GNAL: variants seen among roughly 807,000 people sequenced by gnomAD.
GNAL encodes guanine nucleotide-binding protein G(olf) subunit alpha.
In GNAL, 18 loss-of-function variants were observed where a neutral mutation model predicts 55.1. That is an observed-to-expected ratio of 0.33 (90% CI 0.23 to 0.48). GNAL has a LOEUF of 0.48. Among genes scored for constraint, GNAL ranks in the 20% least tolerant of loss-of-function variants. The pLI is 0.99. For synonymous variants in GNAL, 253 were observed against 237.0 expected (o/e 1.07, Z -0.62); for missense variants, 412 against 614.1 (o/e 0.67, Z 3.48).
At chr18:11,771,617 G>A (rs9675680) in intron 4 of GNAL, among the ~76,000 whole-genome samples, 13,924 of 152,182 alleles carry the variant, frequency 0.091, 693 homozygotes, top group Middle Eastern at 0.14. Flanking sequence ...GGGAAGGTGA[G>A]GGGTGGCCTG....
intron 1 of GNAL, among the ~76,000 whole-genome samples, chr18:11,723,466 C>T (rs2032144646): frequency 6.6e-6 from 1 of 152,212 alleles, no homozygotes; most frequent in African/African-American, 2.4e-5. Flanking sequence ...TATAGACAAC[C>T]CCAAGCATAT....
intron 1 of GNAL, among the ~76,000 whole-genome samples, chr18:11,733,623 T>TA (rs1219149026): frequency 6.6e-6 from 1 of 152,202 alleles, no homozygotes; most frequent in Non-Finnish European, 1.5e-5. Flanking sequence ...AATCATGTCT[T>TA]CTTGAGGGTA....
chr18:11,719,585 C>A (rs958557645), intron 1 of GNAL, among the ~76,000 whole-genome samples: 1 of 152,238 alleles, frequency 6.6e-6, no homozygotes, highest in Non-Finnish European at 1.5e-5. Flanking sequence ...TTCCTCTTAT[C>A]TAAGTCATGC....
intron 4 of GNAL, among the ~76,000 whole-genome samples, chr18:11,766,614 G>A (rs910153178): frequency 5.9e-5 from 9 of 152,152 alleles, no homozygotes; most frequent in South Asian, 2.1e-4. Context: ...AAATGTTACC[G>A]TAGTTAATCT....
chr18:11,828,598 CAA>C (rs2035306790), intron 5 of GNAL, among the ~76,000 whole-genome samples: 1 of 151,500 alleles, frequency 6.6e-6, no homozygotes, highest in Admixed American at 6.6e-5. Flanking sequence ...ATTTATTGGA[CAA>C]AGACTGGCCT....
At chr18:11,762,379 T>TA (rs1165573047) in intron 4 of GNAL, among the ~76,000 whole-genome samples, 10 of 152,340 alleles carry the variant, frequency 6.6e-5, no homozygotes, top group Admixed American at 2.0e-4. Context: ...AATTATTCAG[T>TA]ACACATATTA....
intron 4 of GNAL, among the ~76,000 whole-genome samples, chr18:11,791,771 G>C (rs1258172894): frequency 6.6e-6 from 1 of 152,128 alleles, no homozygotes; most frequent in Non-Finnish European, 1.5e-5. Context: ...GCAAGGACTC[G>C]AAGTAGGACA....
intron 5 of GNAL, among the ~76,000 whole-genome samples, chr18:11,836,609 C>G (rs2035503780): frequency 6.6e-6 from 1 of 152,132 alleles, no homozygotes; most frequent in South Asian, 2.1e-4. Context: ...TCACACTAAC[C>G]CAATGAGTTC....
At position 11,814,978 on chromosome 18, in the gene GNAL, G is replaced by A. The variant is rs367839019; in HGVS notation, c.625-9940G>A. 2.0e-5 allele frequency among the ~76,000 whole-genome samples: 3 copies of A among 152,252 alleles called. No homozygotes were observed. In the East Asian group the frequency reaches 5.8e-4, roughly 29 times the overall value. On this transcript the variant is annotated intron_variant, in intron 4 of 11. Coordinates refer to ENST00000334049, the MANE Select transcript of GNAL (RefSeq NM_182978.4). Reference sequence around the variant, plus strand: ...AGAGGTTGGAGAGGGGAAAGTAGAGGAGAGGGAATTGGAAGAAGCTGATCA... The same window carrying A: ...AGAGGTTGGAGAGGGGAAAGTAGAGAAGAGGGAATTGGAAGAAGCTGATCA...
At chr18:11,756,496 A>G (rs1017337474) in intron 4 of GNAL, among the ~76,000 whole-genome samples, 2 of 151,804 alleles carry the variant, frequency 1.3e-5, no homozygotes, top group African/African-American at 4.8e-5. Context: ...GTCTATGCAC[A>G]TGTCAAATGA....
At chr18:11,851,275 C>T (rs1288160865) in intron 5 of GNAL, 7 of 487,328 alleles carry the variant, frequency 1.4e-5, no homozygotes, top group Non-Finnish European at 2.5e-5. Flanking sequence ...CAGCCAGAAT[C>T]CCCCTGCATG....
intron 1 of GNAL, among the ~76,000 whole-genome samples, chr18:11,690,501 CACA>C (rs1292847763): frequency 6.6e-6 from 1 of 151,622 alleles, no homozygotes; most frequent in Admixed American, 6.6e-5. Flanking sequence ...GGTACATGTG[CACA>C]ATGTGCAGGT....
rs887939073 is a variant in GNAL at position 11,797,767 on chromosome 18, G to GA, written c.625-27140dup. ...GAGAGAGGTGAGACCTTGTCTCACA[G>GA]AAAAAAAAAAAGAAAGAAAGAAATG... On this transcript the variant is annotated intron_variant, in intron 4 of 11. Coordinates refer to ENST00000334049, the MANE Select transcript of GNAL (RefSeq NM_182978.4). Among the ~76,000 whole-genome samples, 69 of 139,540 alleles carry GA rather than the reference G, an allele frequency of 4.9e-4. 1 individual carries two copies. Among genetic ancestry groups the GA allele is most frequent in the South Asian group, 6.8e-4 (3 of 4,432 alleles). The allele number at this position is 139,540 out of a possible 152,430, so 91.5% of individuals were successfully genotyped here. A position where few individuals can be genotyped will look rare whatever the true frequency, so the allele number is the denominator to read the frequency against.
intron 8 of GNAL, 106 bp downstream of exon 8, chr18:11,867,332 T>G: frequency 1.4e-6 from 1 of 734,450 alleles, no homozygotes; most frequent in Non-Finnish European, 2.4e-6. Flanking sequence ...ATATGTAAAG[T>G]ATAGCATTTA....
At chr18:11,851,718 T>C (rs1173945681) in intron 5 of GNAL, 1 of 1,613,812 alleles carries the variant, frequency 6.2e-7, no homozygotes, top group Admixed American at 1.7e-5. Flanking sequence ...TGAGAATGAG[T>C]GCGCGAGTCG....
intron 1 of GNAL, among the ~76,000 whole-genome samples, chr18:11,698,875 C>T (rs1027793155): frequency 2.0e-5 from 3 of 152,166 alleles, no homozygotes; most frequent in Non-Finnish European, 4.4e-5. Flanking sequence ...CAGTGTCAGA[C>T]TAATGTGTCA....
At chr18:11,856,193 A>G (rs897290764) in intron 5 of GNAL, among the ~76,000 whole-genome samples, 4 of 151,466 alleles carry the variant, frequency 2.6e-5, no homozygotes, top group Non-Finnish European at 5.9e-5. Flanking sequence ...GAAACTGATG[A>G]GCAGACCCCT....
At position 11,727,971 on chromosome 18, in the gene GNAL, A is replaced by G. The variant is rs551786825; in HGVS notation, c.377-24882A>G. 1.7e-3 allele frequency among the ~76,000 whole-genome samples: 257 copies of G among 152,274 alleles called. 2 individuals are homozygous for G. Among genetic ancestry groups the G allele is most frequent in the Non-Finnish European group, 3.1e-3 (213 of 68,028 alleles). On this transcript the variant is annotated intron_variant, in intron 1 of 11. Transcript: ENST00000334049. The stretch of plus-strand genomic sequence containing the variant: ...GGCTGGCATGATGGCTCGTGCCTAT[A>G]ACCCCAACAATCTGGGATGCTGAGG...
chr18:11,692,404 C>G (rs1189572702), intron 1 of GNAL, among the ~76,000 whole-genome samples: 2 of 152,226 alleles, frequency 1.3e-5, no homozygotes, highest in Admixed American at 6.5e-5. Flanking sequence ...GTTATCTCAA[C>G]AGGGACGCGG....
Sources: gnomAD v4.1 joint callset for allele counts (sites outside exome capture counted in the v4.1 genomes callset) on GRCh38, gnomAD v4.1.1 for gene constraint, MANE v1.5 for transcripts, NCBI Gene and HGNC (gene_info 2026-07-23, HGNC 2026-07-21) for gene names.